Variants in DPF3 observed in about 807,000 individuals in gnomAD.
DPF3 encodes the protein double PHD fingers 3, also known as zinc finger protein DPF3.
Under a neutral mutation model 56.8 loss-of-function variants are expected in DPF3, and 18 were observed. The ratio of observed to expected loss-of-function variants is 0.32; its 90% CI spans 0.22 to 0.47. The LOEUF (loss-of-function observed/expected upper bound fraction) is 0.47. Among genes scored for constraint, DPF3 ranks in the 20% least tolerant of loss-of-function variants. The probability of loss-of-function intolerance (pLI) is 1.00; values close to 1 mark genes in which losing one functional copy is unlikely to be tolerated. For synonymous variants in DPF3, 188 were observed against 180.2 expected (o/e 1.04, Z -0.35); for missense variants, 403 against 488.8 (o/e 0.82, Z 1.65).
chr14:72,717,052 G>T (rs961602174), intron 5 of DPF3, among the ~76,000 whole-genome samples: 2 of 152,134 alleles, frequency 1.3e-5, no homozygotes, highest in Non-Finnish European at 2.9e-5. Flanking sequence ...GCATTCACAC[G>T]TTCATTCATT....
At position 72,669,688 on chromosome 14, in the gene DPF3, C is replaced by A. The variant is rs1886585301; in HGVS notation, c.871+4552G>T. On this transcript the variant is annotated intron_variant, in intron 8 of 10. Coordinates refer to ENST00000556509, the MANE Select transcript of DPF3 (RefSeq NM_001280542.3). ...TCTTGTAGTTGAAGCCAGAAGCCTG[C>A]CATTCTCCACACTGAGCCCCTCCCA... Among the ~76,000 whole-genome samples, 6 of 152,208 alleles carry A rather than the reference C, an allele frequency of 3.9e-5. No homozygotes were observed. The South Asian group carries it at 1.2e-3, about 32-fold the overall frequency.
intron 1 of DPF3, among the ~76,000 whole-genome samples, chr14:72,830,029 A>G (rs1162052199): frequency 1.3e-5 from 2 of 152,242 alleles, no homozygotes; most frequent in Admixed American, 1.3e-4. Flanking sequence ...TACAGGCGTG[A>G]GCCACCATGC....
At chr14:72,841,576 A>G (rs1884543697) in intron 1 of DPF3, among the ~76,000 whole-genome samples, 1 of 152,128 alleles carries the variant, frequency 6.6e-6, no homozygotes, top group Admixed American at 6.5e-5. Flanking sequence ...TATTTGGTCT[A>G]TTCTTGAAAA....
chr14:72,869,143 C>T (rs1385857904), intron 1 of DPF3, among the ~76,000 whole-genome samples: 1 of 152,242 alleles, frequency 6.6e-6, no homozygotes, highest in Non-Finnish European at 1.5e-5. Context: ...ATTCCCTCTG[C>T]TGGGATCAAA....
At chr14:72,836,589 G>C in intron 1 of DPF3, 1 of 932,688 alleles carries the variant, frequency 1.1e-6, no homozygotes, top group Non-Finnish European at 1.3e-6. Flanking sequence ...CTATCTGGAT[G>C]AATTTTTCCC....
At chr14:72,708,486 C>T (rs1315911004) in intron 6 of DPF3, among the ~76,000 whole-genome samples, 4 of 152,180 alleles carry the variant, frequency 2.6e-5, no homozygotes, top group East Asian at 3.8e-4. Context: ...GCTTCCCTTC[C>T]GCGACAAAGG....
At chr14:72,866,557 C>T (rs932318750) in intron 1 of DPF3, among the ~76,000 whole-genome samples, 2 of 150,394 alleles carry the variant, frequency 1.3e-5, no homozygotes, top group African/African-American at 2.4e-5. Flanking sequence ...GTTTTCTCAT[C>T]GATAAAAAAG....
intron 1 of DPF3, among the ~76,000 whole-genome samples, chr14:72,854,558 G>A (rs897414438): frequency 1.3e-5 from 2 of 152,198 alleles, no homozygotes; most frequent in Non-Finnish European, 1.5e-5. Flanking sequence ...ACAGGTTGAA[G>A]TGATAAGCTG....
intron 8 of DPF3, among the ~76,000 whole-genome samples, chr14:72,657,434 C>T (rs1886089288): frequency 6.6e-6 from 1 of 152,182 alleles, no homozygotes; most frequent in Non-Finnish European, 1.5e-5. Flanking sequence ...AGTTTGGACT[C>T]TGTACCAAAA....
chr14:72,738,018 C>T (rs568018550), intron 3 of DPF3, among the ~76,000 whole-genome samples: 1 of 152,064 alleles, frequency 6.6e-6, no homozygotes, highest in East Asian at 1.9e-4. Flanking sequence ...ATTTATACAT[C>T]AAATTACACG....
chr14:72,652,485 A>G (rs1427716155), intron 8 of DPF3, among the ~76,000 whole-genome samples: 1 of 152,108 alleles, frequency 6.6e-6, no homozygotes, highest in Non-Finnish European at 1.5e-5. Flanking sequence ...TAAGCTGCAG[A>G]GAGTTTCCTG....
chr14:72,836,923 G>A (rs1413784716), intron 1 of DPF3, among the ~76,000 whole-genome samples: 1 of 152,070 alleles, frequency 6.6e-6, no homozygotes, highest in East Asian at 1.9e-4. Flanking sequence ...ACACTGGAGT[G>A]CACTGGCGCA....
intron 2 of DPF3, among the ~76,000 whole-genome samples, chr14:72,762,880 A>T (rs1891121612): frequency 6.6e-6 from 1 of 152,030 alleles, no homozygotes; most frequent in Non-Finnish European, 1.5e-5. Context: ...TACAGAATCT[A>T]TAGAAAGCTA....
At chr14:72,804,767 C>T (rs1893024210) in intron 1 of DPF3, among the ~76,000 whole-genome samples, 1 of 152,112 alleles carries the variant, frequency 6.6e-6, no homozygotes, top group Non-Finnish European at 1.5e-5. Flanking sequence ...ATAGAGATTC[C>T]TTCTCACTAC....
At chr14:72,846,040 C>G (rs986698585) in intron 1 of DPF3, among the ~76,000 whole-genome samples, 2 of 151,616 alleles carry the variant, frequency 1.3e-5, no homozygotes, top group Admixed American at 6.6e-5. Context: ...TGCCCACCAC[C>G]CCTTTATTTA....
In DPF3 at chr14:72,753,971, C is replaced by T. The variant is rs544066675; in HGVS notation, c.194-600G>A. On this transcript the variant is annotated intron_variant, in intron 2 of 10. Coordinates refer to ENST00000556509, the MANE Select transcript of DPF3 (RefSeq NM_001280542.3). ...ACCAGGCCACATGACCTGCAGAGCC[C>T]GCACACCTCTATATCCCCGCCTACA... Among the ~76,000 whole-genome samples, 13 of 151,940 alleles carry T rather than the reference C, an allele frequency of 8.6e-5. 1 individual carries two copies. In the South Asian group the frequency reaches 1.2e-3, roughly 15 times the overall value.
chr14:72,879,859 A>G (rs1345913509), intron 1 of DPF3: 4 of 1,535,506 alleles, frequency 2.6e-6, no homozygotes, highest in Non-Finnish European at 3.5e-6. Flanking sequence ...AGGTCTGTGA[A>G]CCCCATAAAA....
rs1452229563 is a variant in DPF3 at position 72,892,692 on chromosome 14, A to G, written c.32+1365T>C. ...CCAGGGTCGACAGCGGCCACGCACC[A>G]GGGAGAATTCGGCATGAACCGCCCC... On this transcript the variant is annotated intron_variant, in intron 1 of 10. Transcript: ENST00000556509. The G allele has an allele frequency of 6.9e-6, 7 of 1,021,062 alleles. No individual in the cohort carries two copies. The South Asian group carries it at 2.5e-4, about 37-fold the overall frequency. 63.3% of individuals were successfully genotyped at this position (1,021,062 alleles called of 1,614,324 possible). A position where few individuals can be genotyped will look rare whatever the true frequency, so the allele number is the denominator to read the frequency against.
chr14:72,884,266 G>A (rs1886430680), intron 1 of DPF3, among the ~76,000 whole-genome samples: 1 of 152,214 alleles, frequency 6.6e-6, no homozygotes, highest in East Asian at 1.9e-4. Context: ...AAATCCCACT[G>A]AGATCCCAGG....
Sources: gnomAD v4.1 joint callset for allele counts (sites outside exome capture counted in the v4.1 genomes callset) on GRCh38, gnomAD v4.1.1 for gene constraint, MANE v1.5 for transcripts, NCBI Gene and HGNC (gene_info 2026-07-23, HGNC 2026-07-21) for gene names.